The following UIMC1 variants were observed in gnomAD, a reference collection of about 807,000 sequenced individuals.
UIMC1 encodes the protein BRCA1-A complex subunit RAP80.
A neutral mutation model predicts 84.9 loss-of-function variants in UIMC1; 42 were observed. That is an observed-to-expected ratio of 0.49 (90% CI 0.39 to 0.64). UIMC1 has a LOEUF of 0.64. Among genes scored for constraint, UIMC1 ranks in the 30% least tolerant of loss-of-function variants. UIMC1 has a pLI of 0.00. For synonymous variants in UIMC1, 281 were observed against 293.0 expected, an observed-to-expected ratio of 0.96 and a Z score of 0.42; for missense variants, 825 against 847.6, an observed-to-expected ratio of 0.97 and a Z score of 0.33.
At chr5:176,913,440 A>T (rs971998951) in intron 10 of UIMC1, among the ~76,000 whole-genome samples, 1 of 152,248 alleles carries the variant, frequency 6.6e-6, no homozygotes, top group Non-Finnish European at 1.5e-5. Flanking sequence ...CCTCTTTTAG[A>T]TATACAATCC....
At chr5:177,019,205 G>A (rs939873622) in intron 1 of UIMC1, among the ~76,000 whole-genome samples, 4 of 152,194 alleles carry the variant, frequency 2.6e-5, no homozygotes, top group Admixed American at 6.5e-5. Context: ...GCATGGGCTC[G>A]TACCTAACTA....
chr5:177,004,377 C>T (rs1271144221), intron 1 of UIMC1, among the ~76,000 whole-genome samples: 1 of 152,016 alleles, frequency 6.6e-6, no homozygotes, highest in Non-Finnish European at 1.5e-5. Flanking sequence ...ATTCTAAAAA[C>T]GTAAATAAGA....
intron 10 of UIMC1, among the ~76,000 whole-genome samples, chr5:176,923,689 C>T (rs2149409631): frequency 6.6e-6 from 1 of 151,716 alleles, no homozygotes; most frequent in East Asian, 2.0e-4. Context: ...CTTGGTAAAA[C>T]TCTGTCTCTA....
chr5:176,966,168 G>A (rs1768265015), intron 6 of UIMC1, among the ~76,000 whole-genome samples: 1 of 152,126 alleles, frequency 6.6e-6, no homozygotes. Context: ...ATTCCTAGAG[G>A]CATCTCCCCA....
At chr5:176,942,745 T>TAA (rs1044619072) in intron 10 of UIMC1, among the ~76,000 whole-genome samples, 115 of 76,082 alleles carry the variant, frequency 1.5e-3, no homozygotes, top group African/African-American at 3.9e-3. Context: ...GACTCCGTCT[T>TAA]AAAAAAAAAA....
intron 1 of UIMC1, among the ~76,000 whole-genome samples, chr5:176,993,193 A>AAT (rs2149524918): frequency 6.6e-6 from 1 of 151,470 alleles, no homozygotes; most frequent in African/African-American, 2.4e-5. Flanking sequence ...AAAAAAAAAA[A>AAT]AAAATTCTTG....
chr5:176,989,317 T>C (rs1315055242), intron 1 of UIMC1, among the ~76,000 whole-genome samples: 1 of 152,190 alleles, frequency 6.6e-6, no homozygotes, highest in African/African-American at 2.4e-5. Context: ...AACGTCCTTT[T>C]CTGCATTTAA....
At chr5:176,938,493 C>T (rs1306589975) in intron 10 of UIMC1, among the ~76,000 whole-genome samples, 1 of 152,134 alleles carries the variant, frequency 6.6e-6, no homozygotes, top group African/African-American at 2.4e-5. Flanking sequence ...ACCTATACCC[C>T]CAAGCTCTGT....
chr5:176,938,435 C>G (rs1581451831), intron 10 of UIMC1, among the ~76,000 whole-genome samples: 1 of 152,044 alleles, frequency 6.6e-6, no homozygotes, highest in East Asian at 1.9e-4. Context: ...TATTGTACAC[C>G]AAGTACACTA....
intron 10 of UIMC1, among the ~76,000 whole-genome samples, chr5:176,913,903 G>C (rs1760592563): frequency 6.6e-6 from 1 of 152,218 alleles, no homozygotes; most frequent in African/African-American, 2.4e-5. Context: ...CCTGAGCCAG[G>C]AGGGTTGAGG....
At position 176,992,782 on chromosome 5, in the gene UIMC1, G is replaced by A. The variant is rs565355642; in HGVS notation, c.-8-10159C>T. On this transcript the variant is annotated intron_variant, in intron 1 of 14. Coordinates refer to ENST00000511320, the MANE Select transcript of UIMC1 (RefSeq NM_001199298.2). Reference sequence around the variant, plus strand: ...GGTCATGCTACTGCACTCCAGCCTAGGCAACAGAGTAAGACCCCGTATCAA... The same window carrying A: ...GGTCATGCTACTGCACTCCAGCCTAAGCAACAGAGTAAGACCCCGTATCAA... Among the ~76,000 whole-genome samples, 33 of 152,166 alleles carry A rather than the reference G, an allele frequency of 2.2e-4. 1 individual carries two copies. Among genetic ancestry groups the A allele is most frequent in the African/African-American group, 7.7e-4 (32 of 41,498 alleles).
rs1421948633 is a variant in UIMC1, at chr5:176,911,175, G to GAAAAGAAAAGAA, written c.1676+135_1676+136insTTCTTTTCTTTT. 6 of 167,562 alleles carry GAAAAGAAAAGAA rather than the reference G, an allele frequency of 3.6e-5. 1 individual carries two copies. The highest frequency in any genetic ancestry group is 3.2e-4 in the African/African-American group (6 of 18,554). The allele number at this position is 167,562 out of a possible 1,614,324, so 10.4% of individuals were successfully genotyped here. A position where few individuals can be genotyped will look rare whatever the true frequency, so the allele number is the denominator to read the frequency against. On this transcript the variant is annotated intron_variant, in intron 11 of 14. Transcript: ENST00000511320. ...GAAAAGAAAAGAAAAGAAAAGAAAA[G>GAAAAGAAAAGAA]AAAATTCAGGCATCCAAGCAATGAA... is the stretch of plus-strand genomic sequence containing the variant.
At position 176,906,058 on chromosome 5, in the gene UIMC1, A is replaced by G. The variant is rs530429713; in HGVS notation, c.1913-11T>C. 1.2e-6 allele frequency: 2 copies of G among 1,613,258 alleles called. No homozygotes were observed. The highest frequency in any genetic ancestry group is 2.2e-5 in the East Asian group (1 of 44,884). On this transcript the variant is annotated splice_polypyrimidine_tract_variant and intron_variant, in intron 13 of 14. Coordinates refer to ENST00000511320, the MANE Select transcript of UIMC1 (RefSeq NM_001199298.2). The stretch of plus-strand genomic sequence containing the variant: ...ACTTGATGTCTGCATCTGTGATATA[A>G]AAGAAAAAATAATAATGTTGGTAGT...
At chr5:177,000,226 T>C (rs1212570969) in intron 1 of UIMC1, among the ~76,000 whole-genome samples, 2 of 152,174 alleles carry the variant, frequency 1.3e-5, no homozygotes, top group Non-Finnish European at 2.9e-5. Flanking sequence ...AGTGCTGGGA[T>C]TACCGGCATA....
chr5:176,991,453 A>G (rs1478341634), intron 1 of UIMC1, among the ~76,000 whole-genome samples: 2 of 151,974 alleles, frequency 1.3e-5, no homozygotes, highest in Non-Finnish European at 2.9e-5. Flanking sequence ...AATTGAGAAG[A>G]CAGATCTGAC....
At chr5:176,977,262 A>T (rs577115885) in intron 2 of UIMC1, among the ~76,000 whole-genome samples, 57 of 151,902 alleles carry the variant, frequency 3.8e-4, no homozygotes, top group African/African-American at 1.3e-3. Flanking sequence ...GAAATAAGAC[A>T]AATCCACAAC....
chr5:176,913,997 CCAT>C (rs1760611321), intron 10 of UIMC1, among the ~76,000 whole-genome samples: 2 of 151,150 alleles, frequency 1.3e-5, no homozygotes, highest in African/African-American at 4.9e-5. Flanking sequence ...CCATACCATA[CCAT>C]ACCATAGCAT....
intron 1 of UIMC1, among the ~76,000 whole-genome samples, chr5:176,986,244 C>T (rs1482013641): frequency 3.3e-5 from 5 of 151,118 alleles, no homozygotes; most frequent in Non-Finnish European, 7.4e-5. Flanking sequence ...ACTATAATCC[C>T]ACCTAATCCA....
At chr5:176,992,194 T>G (rs1207887427) in intron 1 of UIMC1, among the ~76,000 whole-genome samples, 1 of 152,164 alleles carries the variant, frequency 6.6e-6, no homozygotes, top group African/African-American at 2.4e-5. Flanking sequence ...CAAAAGCCCT[T>G]AAAGAATCTA....
Sources: gnomAD v4.1 joint callset for allele counts (sites outside exome capture counted in the v4.1 genomes callset) on GRCh38, gnomAD v4.1.1 for gene constraint, MANE v1.5 for transcripts, NCBI Gene and HGNC (gene_info 2026-07-23, HGNC 2026-07-21) for gene names.